The following UTRN variants were observed in gnomAD, a reference collection of about 807,000 sequenced individuals.
UTRN encodes the protein utrophin.
UTRN carries 283 observed loss-of-function variants against 463.9 expected under a neutral mutation model. The ratio of observed to expected loss-of-function variants is 0.61; its 90% CI spans 0.55 to 0.67. The LOEUF (loss-of-function observed/expected upper bound fraction) is 0.67. Among genes scored for constraint, UTRN ranks in the 30% least tolerant of loss-of-function variants. UTRN has a pLI of 0.00. For missense variants in UTRN, 3,922 were observed against 4,084.3 expected (o/e 0.96, Z 1.08); for synonymous variants, 1,442 against 1,431.5 (o/e 1.01, Z -0.17).
intron 41 of UTRN, among the ~76,000 whole-genome samples, chr6:144,530,714 A>G (rs1022062093): frequency 2.6e-5 from 4 of 152,044 alleles, no homozygotes; most frequent in African/African-American, 4.8e-5. Context: ...TTTTAGTTAA[A>G]AAGCTGCTCG....
intron 17 of UTRN, among the ~76,000 whole-genome samples, chr6:144,450,569 C>T (rs1352658394): frequency 4.6e-5 from 7 of 152,168 alleles, no homozygotes; most frequent in African/African-American, 1.7e-4. Context: ...TGTTACTTTC[C>T]ATTGCTTACT....
intron 52 of UTRN, among the ~76,000 whole-genome samples, chr6:144,695,865 G>A (rs370291523): frequency 6.6e-6 from 1 of 151,924 alleles, no homozygotes; most frequent in South Asian, 2.1e-4. Context: ...GGATAACATG[G>A]GTTTAAATTT....
chr6:144,703,067 GA>G (rs1235900802), intron 53 of UTRN, among the ~76,000 whole-genome samples: 1 of 152,158 alleles, frequency 6.6e-6, no homozygotes, highest in Non-Finnish European at 1.5e-5. Flanking sequence ...TGGTGAATTG[GA>G]AAAGGGTATA....
intron 50 of UTRN, among the ~76,000 whole-genome samples, chr6:144,568,804 G>T (rs1488914777): frequency 2.0e-5 from 3 of 152,074 alleles, no homozygotes; most frequent in African/African-American, 7.2e-5. Context: ...GTAATTTACT[G>T]ATCCAGTACA....
rs370637312 is a variant in UTRN at position 144,438,739 on chromosome 6, G to A, written c.1242-6G>A. ...GTAGGAATAATGCTGTGTTCCCCAC[G>A]GACAGGCTGCACGATGTGCTGATGG... On this transcript the variant is annotated splice_region_variant and splice_polypyrimidine_tract_variant and intron_variant, in intron 11 of 74. Coordinates refer to ENST00000367545, the MANE Select transcript of UTRN (RefSeq NM_007124.3). 8.1e-6 allele frequency: 13 copies of A among 1,613,944 alleles called. No individual in the cohort carries two copies. The highest frequency in any genetic ancestry group is 2.2e-5 in the East Asian group (1 of 44,900).
intron 6 of UTRN, 108 bp from the exon 7 acceptor site, chr6:144,426,179 C>A: frequency 7.5e-7 from 1 of 1,331,742 alleles, no homozygotes; most frequent in Non-Finnish European, 1.0e-6. Flanking sequence ...TTACCTGATC[C>A]ATAATGGTTA....
chr6:144,613,554 A>G (rs997649937), intron 51 of UTRN, among the ~76,000 whole-genome samples: 2 of 152,098 alleles, frequency 1.3e-5, no homozygotes, highest in Non-Finnish European at 2.9e-5. Context: ...GATTTCATTC[A>G]TATCACATTT....
intron 28 of UTRN, 34 bp downstream of exon 28, chr6:144,485,553 T>C (rs371208651): frequency 1.2e-6 from 2 of 1,613,672 alleles, no homozygotes; most frequent in East Asian, 2.2e-5. Context: ...CATTTCTCTT[T>C]GCTGTGATGA....
chr6:144,484,285 A>G (rs1421899269), intron 27 of UTRN, among the ~76,000 whole-genome samples: 1 of 152,072 alleles, frequency 6.6e-6, no homozygotes, highest in Non-Finnish European at 1.5e-5. Flanking sequence ...ATTTAGAAAA[A>G]AGTTGGGAAG....
intron 2 of UTRN, among the ~76,000 whole-genome samples, chr6:144,340,162 G>T (rs1394183758): frequency 6.6e-6 from 1 of 152,172 alleles, no homozygotes; most frequent in East Asian, 1.9e-4. Flanking sequence ...ACAAGACTGC[G>T]ACTGCGTCTC....
intron 3 of UTRN, among the ~76,000 whole-genome samples, chr6:144,406,962 T>A (rs2114807215): frequency 6.6e-6 from 1 of 152,168 alleles, no homozygotes; most frequent in Admixed American, 6.5e-5. Context: ...GGGCCCTCCC[T>A]GGCCTTTGCA....
rs1403879898 is a variant in UTRN at position 144,732,223 on chromosome 6, TATATATATATATATAC to T, written c.7939+1753_7939+1768del. ...TTTTGAGTACTCTGTTTTATATATA[TATATATATATATATAC>T]ATATATATATATATATATACACACA... On this transcript the variant is annotated intron_variant, in intron 54 of 74. Transcript: ENST00000367545. Among the ~76,000 whole-genome samples the T allele has an allele frequency of 7.1e-3, 307 of 43,428 alleles. 3 individuals carry two copies. Among genetic ancestry groups the T allele is most frequent in the African/African-American group, 0.028 (258 of 9,346 alleles). The allele number at this position is 43,428 out of a possible 152,430, so 28.5% of individuals were successfully genotyped here.
intron 3 of UTRN, among the ~76,000 whole-genome samples, chr6:144,419,956 G>C (rs971142509): frequency 2.3e-5 from 3 of 133,062 alleles, no homozygotes; most frequent in African/African-American, 5.6e-5. Flanking sequence ...ACACACACTT[G>C]TGCGCACACA....
chr6:144,670,256 ACTT>A (rs1780867756), intron 51 of UTRN, among the ~76,000 whole-genome samples: 1 of 151,796 alleles, frequency 6.6e-6, no homozygotes, highest in Non-Finnish European at 1.5e-5. Flanking sequence ...GCAGCGTAAA[ACTT>A]CCCTTTTTAC....
At chr6:144,470,537 C>G (rs1375729863) in intron 23 of UTRN, among the ~76,000 whole-genome samples, 1 of 151,584 alleles carries the variant, frequency 6.6e-6, no homozygotes, top group African/African-American at 2.4e-5. Context: ...TCCTCACTTC[C>G]TAGACAGGAT....
At chr6:144,458,665 A>T in intron 19 of UTRN, 105 bp from the exon 20 acceptor site, 1 of 1,335,216 alleles carries the variant, frequency 7.5e-7, no homozygotes, top group Non-Finnish European at 1.0e-6. Flanking sequence ...AGTGATCATT[A>T]TGTGTGACAT....
intron 23 of UTRN, among the ~76,000 whole-genome samples, chr6:144,470,383 A>C (rs1790439476): frequency 1.3e-5 from 2 of 150,644 alleles, no homozygotes; most frequent in Non-Finnish European, 1.5e-5. Context: ...CTCACTTACC[A>C]GATGGGGTGG....
intron 51 of UTRN, among the ~76,000 whole-genome samples, chr6:144,620,411 A>G (rs959567708): frequency 6.6e-6 from 1 of 151,812 alleles, no homozygotes; most frequent in South Asian, 2.1e-4. Flanking sequence ...TGGTAGACTT[A>G]CAGGCCTTTC....
intron 51 of UTRN, among the ~76,000 whole-genome samples, chr6:144,638,147 G>A (rs139533620): frequency 3.5e-4 from 54 of 152,186 alleles, no homozygotes; most frequent in African/African-American, 1.3e-3. Context: ...TATAAACTCC[G>A]AAAAGCTTTT....
Sources: gnomAD v4.1 joint callset for allele counts (sites outside exome capture counted in the v4.1 genomes callset) on GRCh38, gnomAD v4.1.1 for gene constraint, MANE v1.5 for transcripts, NCBI Gene and HGNC (gene_info 2026-07-23, HGNC 2026-07-21) for gene names.